The following CERCAM variants were observed in gnomAD, a reference collection of about 807,000 sequenced individuals.
CERCAM encodes the protein cerebral endothelial cell adhesion molecule.
A neutral mutation model predicts 66.0 loss-of-function variants in CERCAM; 59 were observed. The ratio of observed to expected loss-of-function variants is 0.89; its 90% CI spans 0.73 to 1.11. The LOEUF is 1.11. CERCAM is among the 50% of genes most tolerant of loss of function. The pLI is 0.00. For missense variants in CERCAM, 840 were observed against 828.3 expected (o/e 1.01, Z -0.17); for synonymous variants, 318 against 343.6 (o/e 0.93, Z 0.83).
At chr9:128,426,111 C>T (rs925401056) in intron 5 of CERCAM, among the ~76,000 whole-genome samples, 3 of 151,994 alleles carry the variant, frequency 2.0e-5, no homozygotes, top group Admixed American at 2.0e-4. Context: ...GCTGCGAGAT[C>T]CCATCTCTAC....
chr9:128,433,973 C>A, intron 9 of CERCAM, 129 bp from the exon 10 acceptor site: 2 of 1,273,960 alleles, frequency 1.6e-6, no homozygotes, highest in Admixed American at 2.5e-5. Flanking sequence ...GGGCCCCCAG[C>A]AGGCTTTGGG....
chr9:128,431,124 G>T, intron 8 of CERCAM, 47 bp from the exon 9 acceptor site: 1 of 1,603,502 alleles, frequency 6.2e-7, no homozygotes, highest in Non-Finnish European at 8.5e-7. Context: ...CCCTCTGGAG[G>T]GGTCTCTGGC....
At chr9:128,431,703 A>G (rs1487828668) in intron 9 of CERCAM, 5 of 176,270 alleles carry the variant, frequency 2.8e-5, no homozygotes, top group Non-Finnish European at 4.8e-5. Flanking sequence ...GGGGGTCAGA[A>G]TGGACCTCAC....
chr9:128,428,818 G>C lies in CERCAM; in HGVS notation c.948G>C (p.Lys316Asn), dbSNP rs1833906595. The change falls in exon 7 of 13, where the codon AAG (lysine) becomes AAC (asparagine). Residue 316 changes from lysine (K) to asparagine (N), a missense_variant. Physicochemically the swap from Lys to Asn is moderately conservative, Grantham distance 94. Transcript: ENST00000372838. ...CTCGGCCCTCTAAGAGGCCCAGCAA[G>C]ATAGGGTTTGACGAGGTAAGTCCCC... is the stretch of plus-strand genomic sequence containing the variant. The part of the protein sequence containing the change: ...HVTRPSKRPS[K>N]IGFDEVFVIS... 3.1e-6 allele frequency: 5 copies of C among 1,614,044 alleles called. No individual in the cohort carries two copies. Among genetic ancestry groups the C allele is most frequent in the Non-Finnish European group, 4.2e-6 (5 of 1,180,010 alleles).
intron 8 of CERCAM, among the ~76,000 whole-genome samples, chr9:128,429,534 C>G (rs1833926534): frequency 6.6e-6 from 1 of 152,194 alleles, no homozygotes; most frequent in Non-Finnish European, 1.5e-5. Flanking sequence ...AGAGGCTAGG[C>G]TTCTCCAGCC....
At position 128,428,804 on chromosome 9, in the gene CERCAM, A is replaced by C. The variant is rs775385350; in HGVS notation, c.934A>C (p.Lys312Gln). 6.2e-7 allele frequency: 1 copy of C among 1,613,868 alleles called. No homozygotes were observed. Among genetic ancestry groups the C allele is most frequent in the African/African-American group, 1.3e-5 (1 of 74,988 alleles). The change falls in exon 7 of 13, where the codon AAG (lysine) becomes CAG (glutamine). Residue 312 changes from lysine (K) to glutamine (Q), a missense_variant. Physicochemically the swap from Lys to Gln is moderately conservative, Grantham distance 53. Coordinates refer to ENST00000372838, the MANE Select transcript of CERCAM (RefSeq NM_016174.5). ...CTCAGCTCATGTGACTCGGCCCTCT[A>C]AGAGGCCCAGCAAGATAGGGTTTGA... Reference protein sequence around the residue: ...QASAHVTRPSKRPSKIGFDEV... With the variant: ...QASAHVTRPSQRPSKIGFDEV...
In CERCAM at chr9:128,429,000, A is replaced by G. The variant is rs754624787; in HGVS notation, c.1034A>G (p.Glu345Gly). 7 of 1,610,756 alleles carry G rather than the reference A, an allele frequency of 4.3e-6. No homozygotes were observed. Among genetic ancestry groups the G allele is most frequent in the Non-Finnish European group, 5.9e-6 (7 of 1,179,030 alleles). ...ATGCTCGCCTCGCTCTGGGAGATGG[A>G]GATCTCTGGGAGGGTGGTGGACGCT... ...ERMLASLWEM[E>G]ISGRVVDAVD... The change falls in exon 8 of 13, where the codon GAG becomes GGG. Residue 345 changes from glutamate (E) to glycine (G), a missense_variant. By Grantham distance (98) the Glu-to-Gly change is moderately conservative (BLOSUM62 -2). Transcript: ENST00000372838.
chr9:128,423,626 A>G (rs1426780460), intron 3 of CERCAM, among the ~76,000 whole-genome samples: 3 of 151,884 alleles, frequency 2.0e-5, no homozygotes, highest in Non-Finnish European at 2.9e-5. Context: ...TCAAAAAAAA[A>G]AAAAAAAGAA....
chr9:128,428,481 G>A (rs934859162), intron 6 of CERCAM, 60 bp downstream of exon 6: 1 of 1,597,504 alleles, frequency 6.3e-7, no homozygotes, highest in African/African-American at 1.3e-5. Context: ...TCCCCACGGT[G>A]CCCCTTTCCC....
At chr9:128,420,812 C>A, upstream of CERCAM, 1 of 773,078 alleles carries the variant, frequency 1.3e-6, no homozygotes, top group Non-Finnish European at 1.7e-6. The surrounding 1 kb of genome is among the most constrained non-coding windows in gnomAD (Gnocchi z 5.0). Context: ...GGGCCCCAGG[C>A]CCCGCCCCCT....
chr9:128,435,647 T>C lies in CERCAM; in HGVS notation c.1536-6T>C. ...AATCCCCCTGAGCTATCCTCTCACC[T>C]TACAGCGAGCAGTACAAGGCACACT... On this transcript the variant is annotated splice_region_variant and splice_polypyrimidine_tract_variant and intron_variant, in intron 11 of 12. Coordinates refer to ENST00000372838, the MANE Select transcript of CERCAM (RefSeq NM_016174.5). 6.3e-7 allele frequency: 1 copy of C among 1,597,836 alleles called. No individual in the cohort carries two copies. The highest frequency in any genetic ancestry group is 8.5e-7 in the Non-Finnish European group (1 of 1,169,604).
chr9:128,419,857 G>C (rs1833667449), upstream of CERCAM: 1 of 151,862 alleles, frequency 6.6e-6, no homozygotes, highest in African/African-American at 2.4e-5. Flanking sequence ...AGAGGGCTGT[G>C]AGGGCTGTGC....
At chr9:128,426,340 C>T (rs1833845562) in intron 5 of CERCAM, among the ~76,000 whole-genome samples, 1 of 151,802 alleles carries the variant, frequency 6.6e-6, no homozygotes, top group Non-Finnish European at 1.5e-5. Context: ...TAAATCCAGT[C>T]CTGGCCAGGT....
chr9:128,423,309 C>G, intron 3 of CERCAM, 46 bp downstream of exon 3: 1 of 1,495,308 alleles, frequency 6.7e-7, no homozygotes, highest in Non-Finnish European at 9.3e-7. Flanking sequence ...GCGGTAGTAT[C>G]CGTCCCTGAT....
At position 128,426,258 on chromosome 9, in the gene CERCAM, C is replaced by T. The variant is rs182885205; in HGVS notation, c.766+1644C>T. Among the ~76,000 whole-genome samples the T allele has an allele frequency of 5.7e-4, 87 of 151,978 alleles. 1 individual carries two copies. Among genetic ancestry groups the T allele is most frequent in the African/African-American group, 2.0e-3 (84 of 41,418 alleles). ...CTGTGATCATGCCACTGTACTCCACCTTGGGCAACACAAGATGAGACCCTG... is the reference window on the plus strand; with the variant it reads ...CTGTGATCATGCCACTGTACTCCACTTTGGGCAACACAAGATGAGACCCTG... On this transcript the variant is annotated intron_variant, in intron 5 of 12. Coordinates refer to ENST00000372838, the MANE Select transcript of CERCAM (RefSeq NM_016174.5).
chr9:128,434,552 C>G lies in CERCAM; in HGVS notation c.1474C>G (p.Pro492Ala). The G allele has an allele frequency of 6.2e-7, 1 of 1,612,114 alleles. No individual in the cohort carries two copies. Among genetic ancestry groups the G allele is most frequent in the Non-Finnish European group, 8.5e-7 (1 of 1,179,952 alleles). ...TGCCCGCAAGCTGCTGGCCTCACAGCCTCTGCGCCGCATGCTGCCCGTGGA... is the reference window on the plus strand; with the variant it reads ...TGCCCGCAAGCTGCTGGCCTCACAGGCTCTGCGCCGCATGCTGCCCGTGGA... ...AGARKLLASQ[P>A]LRRMLPVDEF... The change falls in exon 11 of 13, where the codon CCT becomes GCT. Residue 492 changes from proline (P) to alanine (A), a missense_variant. Transcript: ENST00000372838. This position sits in a 1 kb window ranked among gnomAD's most constrained non-coding sequence, Gnocchi z 4.5.
rs771772730 is a variant in CERCAM, at chr9:128,424,426, C to A, written c.578C>A (p.Thr193Lys). The A allele has an allele frequency of 5.6e-6, 9 of 1,614,076 alleles. No individual in the cohort carries two copies. The South Asian group carries it at 9.9e-5, about 18-fold the overall frequency. Residue 193 changes from threonine (T) to lysine (K), a missense_variant, in exon 5 of 13, where the codon ACA (threonine) becomes AAA (lysine). Physicochemically the swap from Thr to Lys is moderately conservative, Grantham distance 78. Coordinates refer to ENST00000372838, the MANE Select transcript of CERCAM (RefSeq NM_016174.5). Reference sequence around the variant, plus strand: ...TTTCCCCAGGGCTACTACCGCCGCACAGCCGAGTACTTCCCCACCAAGAAC... The same window carrying A: ...TTTCCCCAGGGCTACTACCGCCGCAAAGCCGAGTACTTCCCCACCAAGAAC... ...GITPQGYYRR[T>K]AEYFPTKNRQ...
Position 128,421,077 on chromosome 9 carries a change from G to A in CERCAM, c.197+3G>A. ...CCCCGGGCCAGGATGGCCCTCTGGT[G>A]AGAGACCCGGGCATTGGCACCGAGT... is the stretch of plus-strand genomic sequence containing the variant. On this transcript the variant is annotated splice_donor_region_variant and intron_variant, in intron 1 of 12. Coordinates refer to ENST00000372838, the MANE Select transcript of CERCAM (RefSeq NM_016174.5). 1 of 1,299,160 alleles carries A rather than the reference G, an allele frequency of 7.7e-7. No homozygotes were observed. Among genetic ancestry groups the A allele is most frequent in the South Asian group, 2.2e-5 (1 of 45,326 alleles). 80.5% of individuals were successfully genotyped at this position (1,299,160 alleles called of 1,614,324 possible).
At chr9:128,423,405 T>G (rs1564425177) in intron 3 of CERCAM, 142 bp downstream of exon 3, 1 of 679,204 alleles carries the variant, frequency 1.5e-6, no homozygotes, top group Non-Finnish European at 2.6e-6. Context: ...TCACCTGAGG[T>G]CAGAAGTTCG....
Sources: gnomAD v4.1 joint callset for allele counts (sites outside exome capture counted in the v4.1 genomes callset) on GRCh38, gnomAD v4.1.1 for gene constraint, Gnocchi (gnomAD v3.1) non-coding constraint, MANE v1.5 for transcripts, NCBI Gene and HGNC (gene_info 2026-07-23, HGNC 2026-07-21) for gene names.